The following ME1 variants were observed in gnomAD, a reference collection of about 807,000 sequenced individuals.
The protein encoded by ME1 is NADP-dependent malic enzyme.
ME1 carries 74 observed loss-of-function variants against 66.4 expected under a neutral mutation model. That is an observed-to-expected ratio of 1.11 (90% CI 0.92 to 1.35). The LOEUF (loss-of-function observed/expected upper bound fraction) is 1.35. Ranked by LOEUF, ME1 falls within the 40% of genes most tolerant of loss-of-function variation. The probability of loss-of-function intolerance (pLI) is 0.00; values close to 1 mark genes in which losing one functional copy is unlikely to be tolerated. For missense variants in ME1, 750 were observed against 694.1 expected (o/e 1.08, Z -0.90); for synonymous variants, 251 against 235.6 (o/e 1.07, Z -0.60).
chr6:83,385,458 A>AT (rs958334327), intron 3 of ME1, among the ~76,000 whole-genome samples: 4 of 152,070 alleles, frequency 2.6e-5, no homozygotes, highest in African/African-American at 9.7e-5. Context: ...CACAGATTGT[A>AT]CAAAAGTTAT....
At chr6:83,272,975 G>A (rs1481176560) in intron 6 of ME1, among the ~76,000 whole-genome samples, 4 of 151,982 alleles carry the variant, frequency 2.6e-5, no homozygotes, top group Non-Finnish European at 4.4e-5. Context: ...AGGAGTTCAA[G>A]ACCAGCCTGG....
intron 3 of ME1, among the ~76,000 whole-genome samples, chr6:83,357,750 A>C (rs1307267882): frequency 6.6e-6 from 1 of 151,562 alleles, no homozygotes; most frequent in Non-Finnish European, 1.5e-5. Flanking sequence ...CCCAGCCTAC[A>C]TCTTTCTCCC....
intron 6 of ME1, among the ~76,000 whole-genome samples, chr6:83,309,856 G>A (rs565272828): frequency 6.6e-6 from 1 of 152,166 alleles, no homozygotes; most frequent in African/African-American, 2.4e-5. Flanking sequence ...CAGTGAGGCA[G>A]GAGGAAAGCA....
intron 3 of ME1, among the ~76,000 whole-genome samples, chr6:83,363,430 T>C (rs904565523): frequency 1.3e-5 from 2 of 152,208 alleles, no homozygotes; most frequent in African/African-American, 4.8e-5. Context: ...AGAGTATTCA[T>C]GGAATACAAG....
At chr6:83,356,618 G>A (rs1768895624) in intron 3 of ME1, among the ~76,000 whole-genome samples, 1 of 152,080 alleles carries the variant, frequency 6.6e-6, no homozygotes, top group South Asian at 2.1e-4. Context: ...TGATCTAACA[G>A]GTAAGACAAC....
At chr6:83,392,563 A>C (rs878941063) in intron 3 of ME1, 6 of 555,456 alleles carry the variant, frequency 1.1e-5, no homozygotes, top group Non-Finnish European at 2.1e-5. Context: ...GTTCCAGTAT[A>C]ATTCCGCCCA....
At chr6:83,259,234 T>C (rs1766836972) in intron 6 of ME1, among the ~76,000 whole-genome samples, 1 of 152,198 alleles carries the variant, frequency 6.6e-6, no homozygotes, top group Admixed American at 6.6e-5. Flanking sequence ...TTTTATAATG[T>C]ATTGAAGCTT....
At chr6:83,243,183 T>C (rs1172782320) in intron 7 of ME1, among the ~76,000 whole-genome samples, 4 of 150,662 alleles carry the variant, frequency 2.7e-5, no homozygotes, top group Non-Finnish European at 5.9e-5. Flanking sequence ...GTAGGATCAC[T>C]TGAACCCAGG....
intron 6 of ME1, among the ~76,000 whole-genome samples, chr6:83,295,443 T>A (rs1263293682): frequency 6.6e-6 from 1 of 152,168 alleles, no homozygotes; most frequent in Non-Finnish European, 1.5e-5. Flanking sequence ...AGAAATAAAA[T>A]TCAGAATATG....
At chr6:83,403,576 G>A (rs1370119996) in intron 2 of ME1, among the ~76,000 whole-genome samples, 1 of 152,106 alleles carries the variant, frequency 6.6e-6, no homozygotes, top group African/African-American at 2.4e-5. Context: ...ATGGTGGTTT[G>A]CTGCACCTAT....
In ME1 at chr6:83,352,105, T is replaced by C; in HGVS notation, c.397A>G (p.Ile133Val). ...GGCCATGCATTGAGAACTGAAGCAATATGCCCTCGATCGTGGATAGTAATA... is the reference window on the plus strand; with the variant it reads ...GGCCATGCATTGAGAACTGAAGCAACATGCCCTCGATCGTGGATAGTAATA... ...LFITIHDRGH[I>V]ASVLNAWPED... Residue 133 changes from isoleucine (I) to valine (V), a missense_variant, in exon 4 of 14, where the codon ATT (isoleucine) becomes GTT (valine). By Grantham distance (29) the Ile-to-Val change is conservative. Transcript: ENST00000369705. The C allele has an allele frequency of 6.3e-7, 1 of 1,581,028 alleles. No individual in the cohort carries two copies. The highest frequency in any genetic ancestry group is 8.6e-7 in the Non-Finnish European group (1 of 1,165,998).
At chr6:83,251,493 CA>C (rs113389971) in intron 7 of ME1, among the ~76,000 whole-genome samples, 39 of 147,106 alleles carry the variant, frequency 2.7e-4, no homozygotes, top group Middle Eastern at 3.5e-3. Flanking sequence ...GACTCTGTCT[CA>C]AAAAAAAAAT....
Position 83,315,383 on chromosome 6 carries a change from G to C in ME1, c.631C>G (p.Leu211Val), listed in dbSNP as rs1168591651. ...GAACCTCTTACTCTTCTCTGCCGTA[G>C]TCCAATGTAGAGTGGATCTTTAAGT... ...ELLKDPLYIG[L>V]RQRRVRGSEY... Residue 211 changes from leucine (L) to valine (V), a missense_variant, in exon 6 of 14, where the codon CTA becomes GTA. Transcript: ENST00000369705. The C allele has an allele frequency of 1.2e-6, 2 of 1,609,562 alleles. No homozygotes were observed. The highest frequency in any genetic ancestry group is 8.5e-7 in the Non-Finnish European group (1 of 1,177,644).
intron 6 of ME1, among the ~76,000 whole-genome samples, chr6:83,270,705 C>T (rs1293883009): frequency 1.3e-5 from 2 of 152,134 alleles, no homozygotes; most frequent in Non-Finnish European, 2.9e-5. Context: ...AACTAATAAT[C>T]TCTGAGAAGA....
At chr6:83,398,626 A>G (rs1271827341) in intron 2 of ME1, 110 bp from the exon 3 acceptor site, 2 of 573,116 alleles carry the variant, frequency 3.5e-6, no homozygotes, top group Non-Finnish European at 6.0e-6. Context: ...TAGGTTACAT[A>G]GAAAACATCT....
intron 1 of ME1, among the ~76,000 whole-genome samples, chr6:83,419,132 T>TA (rs11373065): frequency 0.36 from 55,293 of 151,718 alleles, 10,537 homozygotes; most frequent in Middle Eastern, 0.48. Context: ...TTATCCTAAG[T>TA]ATGGGAAGCC....
intron 12 of ME1, among the ~76,000 whole-genome samples, chr6:83,218,323 T>C (rs868482032): frequency 1.2e-4 from 19 of 152,162 alleles, no homozygotes; most frequent in Admixed American, 2.6e-4. Context: ...GGTAATGTAG[T>C]GGCTTTTTCC....
intron 3 of ME1, among the ~76,000 whole-genome samples, chr6:83,371,070 T>C (rs1769185820): frequency 6.6e-6 from 1 of 152,176 alleles, no homozygotes; most frequent in African/African-American, 2.4e-5. Context: ...GTCCCAAATC[T>C]TTAGGTAATC....
chr6:83,236,666 G>C (rs536783311), intron 9 of ME1, among the ~76,000 whole-genome samples: 1 of 152,154 alleles, frequency 6.6e-6, no homozygotes, highest in Non-Finnish European at 1.5e-5. Flanking sequence ...CACTATTAAA[G>C]ATGGAGAAAC....
Sources: gnomAD v4.1 joint callset for allele counts (sites outside exome capture counted in the v4.1 genomes callset) on GRCh38, gnomAD v4.1.1 for gene constraint, MANE v1.5 for transcripts, NCBI Gene and HGNC (gene_info 2026-07-23, HGNC 2026-07-21) for gene names.